GULP1: variants seen among roughly 807,000 people sequenced by gnomAD.
The protein encoded by GULP1 is GULP PTB domain containing engulfment adaptor 1, also known as PTB domain-containing engulfment adapter protein 1.
A neutral mutation model predicts 40.9 loss-of-function variants in GULP1; 19 were observed. That is an observed-to-expected ratio of 0.46 (90% CI 0.32 to 0.68). The LOEUF (loss-of-function observed/expected upper bound fraction) is 0.68. Among genes scored for constraint, GULP1 ranks in the 30% least tolerant of loss-of-function variants. The pLI, the probability that GULP1 is intolerant of heterozygous loss-of-function variation, is 0.03. For synonymous variants in GULP1, 119 were observed against 117.6 expected, an observed-to-expected ratio of 1.01 and a Z score of -0.08; for missense variants, 312 against 362.2, an observed-to-expected ratio of 0.86 and a Z score of 1.12.
chr2:188,448,510 C>T (rs1161971524), intron 2 of GULP1, among the ~76,000 whole-genome samples: 7 of 152,080 alleles, frequency 4.6e-5, no homozygotes, highest in African/African-American at 1.2e-4. Flanking sequence ...CCTGAACTTG[C>T]CATTAGAAGA....
intron 1 of GULP1, among the ~76,000 whole-genome samples, chr2:188,310,656 G>C (rs2037935182): frequency 6.6e-6 from 1 of 152,166 alleles, no homozygotes; most frequent in Admixed American, 6.6e-5. Flanking sequence ...TGGAAGTAGG[G>C]GGAAATCCTG....
intron 11 of GULP1, chr2:188,589,989 G>A (rs1703197517): frequency 8.3e-6 from 2 of 241,668 alleles, no homozygotes; most frequent in Admixed American, 5.7e-5. Flanking sequence ...TTTTTTTGAG[G>A]CAGAGTCTCA....
chr2:188,343,007 A>G, intron 1 of GULP1, among the ~76,000 whole-genome samples: 1 of 152,236 alleles, frequency 6.6e-6, no homozygotes, highest in East Asian at 1.9e-4. Context: ...TAATGAATTC[A>G]AAAGATTGTC....
chr2:188,482,211 T>C (rs1318120793), intron 3 of GULP1, among the ~76,000 whole-genome samples: 2 of 151,956 alleles, frequency 1.3e-5, no homozygotes, highest in African/African-American at 4.8e-5. Context: ...CAGTGCATTA[T>C]TATTCAAATA....
At chr2:188,431,268 C>T (rs544644740) in intron 2 of GULP1, among the ~76,000 whole-genome samples, 1 of 151,764 alleles carries the variant, frequency 6.6e-6, no homozygotes, top group African/African-American at 2.4e-5. Flanking sequence ...TAGCATCAGG[C>T]TATAACAACA....
At chr2:188,540,825 G>T (rs1046457713) in intron 6 of GULP1, among the ~76,000 whole-genome samples, 2 of 152,054 alleles carry the variant, frequency 1.3e-5, no homozygotes, top group African/African-American at 4.8e-5. Flanking sequence ...AACTGTGGGG[G>T]TGTCTTATTC....
rs187977738 is a variant in GULP1 at position 188,510,202 on chromosome 2, G to T, written c.91-12554G>T. ...GTGTTCAGGCACATAAGTACATTTG[G>T]GAAGATTATTTTGTGTAAGTTTAAA... On this transcript the variant is annotated intron_variant, in intron 4 of 11. Transcript: ENST00000409830. Among the ~76,000 whole-genome samples, 357 of 152,128 alleles carry T rather than the reference G, an allele frequency of 2.3e-3. 2 individuals carry two copies. Among genetic ancestry groups the T allele is most frequent in the African/African-American group, 8.1e-3 (338 of 41,522 alleles).
chr2:188,491,379 G>T (rs935819810), intron 4 of GULP1: 5 of 152,010 alleles, frequency 3.3e-5, no homozygotes, highest in African/African-American at 1.2e-4. Context: ...CAGCATAAAA[G>T]AAAATTAGCA....
intron 7 of GULP1, among the ~76,000 whole-genome samples, chr2:188,555,274 TC>T (rs1694463213): frequency 6.6e-6 from 1 of 152,124 alleles, no homozygotes; most frequent in Admixed American, 6.6e-5. Flanking sequence ...ACACTTTGAG[TC>T]TTTTATCTTT....
At chr2:188,432,165 A>G (rs542888103) in intron 2 of GULP1, among the ~76,000 whole-genome samples, 7 of 151,742 alleles carry the variant, frequency 4.6e-5, no homozygotes, top group African/African-American at 1.7e-4. Flanking sequence ...TTAAGAAAAA[A>G]TATCTTCGTA....
chr2:188,495,012 C>G (rs1453288115), intron 4 of GULP1, among the ~76,000 whole-genome samples: 1 of 152,002 alleles, frequency 6.6e-6, no homozygotes, highest in East Asian at 1.9e-4. Flanking sequence ...CTGTGCTTAA[C>G]CACCCTGTCC....
At chr2:188,569,406 A>G in intron 8 of GULP1, 51 bp downstream of exon 8, 2 of 924,614 alleles carry the variant, frequency 2.2e-6, no homozygotes, top group Non-Finnish European at 3.6e-6. Context: ...AAGTACAGGG[A>G]AACTTGCATA....
chr2:188,571,447 AT>A (rs1230193498), intron 9 of GULP1, among the ~76,000 whole-genome samples: 1 of 152,150 alleles, frequency 6.6e-6, no homozygotes, highest in East Asian at 1.9e-4. Context: ...AAGAGTGAGT[AT>A]TTCCATTGCT....
At chr2:188,491,937 C>T (rs2153098599) in intron 4 of GULP1, among the ~76,000 whole-genome samples, 1 of 152,116 alleles carries the variant, frequency 6.6e-6, no homozygotes, top group South Asian at 2.1e-4. Flanking sequence ...TCTTCAGTTT[C>T]CAGAAAAGTG....
intron 7 of GULP1, among the ~76,000 whole-genome samples, chr2:188,560,203 A>G (rs1028759465): frequency 3.3e-5 from 5 of 152,092 alleles, no homozygotes; most frequent in African/African-American, 1.2e-4. Context: ...AAGCAGCCAG[A>G]TGAAACCTTG....
At chr2:188,455,687 G>GCTGAAAAGATAACTGAAA (rs1177113579) in intron 2 of GULP1, among the ~76,000 whole-genome samples, 1 of 152,166 alleles carries the variant, frequency 6.6e-6, no homozygotes, top group African/African-American at 2.4e-5. Flanking sequence ...GTGGGGCACT[G>GCTGAAAAGATAACTGAAA]CTGAAAAGAT....
chr2:188,530,701 C>G (rs1575819814), intron 6 of GULP1, among the ~76,000 whole-genome samples: 1 of 152,148 alleles, frequency 6.6e-6, no homozygotes, highest in African/African-American at 2.4e-5. Context: ...AGACTTCTAA[C>G]CTGCAGAACT....
rs571738659 is a variant in GULP1 at position 188,397,541 on chromosome 2, T to C, written c.-45+13652T>C. On this transcript the variant is annotated intron_variant, in intron 2 of 11. Coordinates refer to ENST00000409830, the MANE Select transcript of GULP1 (RefSeq NM_016315.4). ...ATAGAAGATACTTCATAAATGTTGC[T>C]GATATGAAAAATTGAATCTATGCCC... is the stretch of plus-strand genomic sequence containing the variant. Among the ~76,000 whole-genome samples the C allele has an allele frequency of 4.3e-4, 65 of 152,344 alleles. 1 individual carries two copies. Among genetic ancestry groups the C allele is most frequent in the South Asian group, 3.1e-3 (15 of 4,820 alleles).
chr2:188,595,881 T>G lies in GULP1; in HGVS notation c.*1870T>G, dbSNP rs1176803291. On this transcript the variant is annotated 3_prime_UTR_variant, in exon 12 of 12. Coordinates refer to ENST00000409830, the MANE Select transcript of GULP1 (RefSeq NM_016315.4). Reference sequence around the variant, plus strand: ...TTGAAAATTGTATTTCTATGTAAACTCAACGATATGTTTGGTTTTCCTGAA... The same window carrying G: ...TTGAAAATTGTATTTCTATGTAAACGCAACGATATGTTTGGTTTTCCTGAA... The G allele has an allele frequency of 6.6e-6, 1 of 152,276 alleles. No homozygotes were observed. The allele number at this position is 152,276 out of a possible 1,614,324, so 9.4% of individuals were successfully genotyped here. A position where few individuals can be genotyped will look rare whatever the true frequency, so the allele number is the denominator to read the frequency against.
Sources: gnomAD v4.1 joint callset for allele counts (sites outside exome capture counted in the v4.1 genomes callset) on GRCh38, gnomAD v4.1.1 for gene constraint, MANE v1.5 for transcripts, NCBI Gene and HGNC (gene_info 2026-07-23, HGNC 2026-07-21) for gene names.